GRAMD1C: variants seen among roughly 807,000 people sequenced by gnomAD.
The protein encoded by GRAMD1C is protein Aster-C.
A neutral mutation model predicts 97.8 loss-of-function variants in GRAMD1C; 89 were observed. The ratio of observed to expected loss-of-function variants is 0.91; its 90% CI spans 0.77 to 1.09. The LOEUF (loss-of-function observed/expected upper bound fraction) is 1.09, where lower values mean the gene tolerates loss of function less well. GRAMD1C is among the 50% of genes least tolerant of loss of function. The probability of loss-of-function intolerance (pLI) is 0.00; values close to 1 mark genes in which losing one functional copy is unlikely to be tolerated. For synonymous variants in GRAMD1C, 256 were observed against 267.0 expected (o/e 0.96, Z 0.40); for missense variants, 740 against 766.4 (o/e 0.97, Z 0.41).
intron 6 of GRAMD1C, among the ~76,000 whole-genome samples, chr3:113,891,653 G>A (rs916064342): frequency 5.3e-5 from 8 of 151,904 alleles, no homozygotes; most frequent in African/African-American, 1.9e-4. Context: ...GGCTGAGGTG[G>A]GAGGATTGCT....
intron 9 of GRAMD1C, among the ~76,000 whole-genome samples, chr3:113,910,305 C>T (rs1183203352): frequency 6.6e-6 from 1 of 152,168 alleles, no homozygotes; most frequent in African/African-American, 2.4e-5. Context: ...ATCTCATGAA[C>T]CCAGGAGGCG....
Position 113,844,604 on chromosome 3 carries a change from A to C in GRAMD1C, c.129A>C (p.Lys43Asn), listed in dbSNP as rs1202863499. 1 of 1,606,512 alleles carries C rather than the reference A, an allele frequency of 6.2e-7. No individual in the cohort carries two copies. Among genetic ancestry groups the C allele is most frequent in the Non-Finnish European group, 8.5e-7 (1 of 1,175,882 alleles). ...AAGAGAATAATGTGGTAGTTAAAAA[A>C]CAGGGGCCAAATTTACATAATTGGA... ...TVEENNVVVK[K>N]QGPNLHNWSG... Residue 43 changes from lysine to asparagine, a missense_variant, in exon 2 of 18, where the codon AAA becomes AAC. By Grantham distance (94) the Lys-to-Asn change is moderately conservative. Coordinates refer to ENST00000358160, the MANE Select transcript of GRAMD1C (RefSeq NM_017577.5).
In GRAMD1C at chr3:113,897,651, G is replaced by A. The variant is rs1007068156; in HGVS notation, c.541-3380G>A. Reference sequence around the variant, plus strand: ...ACATAGTTGTCATTAAATATTTGGAGCTCTGCTGTGCATAGAGATGGCAAC... The same window carrying A: ...ACATAGTTGTCATTAAATATTTGGAACTCTGCTGTGCATAGAGATGGCAAC... On this transcript the variant is annotated intron_variant, in intron 6 of 17. Transcript: ENST00000358160. 9.2e-6 allele frequency: 9 copies of A among 983,150 alleles called. No homozygotes were observed. In the African/African-American group the frequency reaches 1.6e-4, roughly 17 times the overall value. 60.9% of individuals were successfully genotyped at this position (983,150 alleles called of 1,614,324 possible). A position where few individuals can be genotyped will look rare whatever the true frequency, so the allele number is the denominator to read the frequency against.
intron 2 of GRAMD1C, chr3:113,844,957 C>A (rs1366381055): frequency 5.4e-6 from 1 of 185,022 alleles, no homozygotes; most frequent in African/African-American, 2.4e-5. Flanking sequence ...TATATAGAAA[C>A]CATATTTCTG....
chr3:113,838,856 G>GGCGGTGCGGT lies in GRAMD1C; in HGVS notation c.-45_-36dup, dbSNP rs543890590. The GGCGGTGCGGT allele has an allele frequency of 6.2e-5, 75 of 1,207,562 alleles. No individual in the cohort carries two copies. Among genetic ancestry groups the GGCGGTGCGGT allele is most frequent in the Non-Finnish European group, 7.0e-5 (68 of 966,568 alleles). The allele number at this position is 1,207,562 out of a possible 1,614,324, so 74.8% of individuals were successfully genotyped here. ...CAGCGCGCGCTGGAGGTGGGCGCGG[G>GGCGGTGCGGT]GCGGTGCGGTGCGGTGCGCGCGGGG... On this transcript the variant is annotated 5_prime_UTR_variant, in exon 1 of 18. Transcript: ENST00000358160.
chr3:113,945,278 G>C, intron 17 of GRAMD1C, 120 bp from the exon 18 acceptor site: 2 of 655,526 alleles, frequency 3.1e-6, no homozygotes, highest in South Asian at 1.7e-5. Flanking sequence ...CGTTTTATTT[G>C]GGCATCAGTA....
chr3:113,938,130 G>A lies in GRAMD1C; in HGVS notation c.1678G>A (p.Val560Ile). The A allele has an allele frequency of 2.0e-6, 3 of 1,505,322 alleles. No individual in the cohort carries two copies. Among genetic ancestry groups the A allele is most frequent in the Non-Finnish European group, 2.7e-6 (3 of 1,100,748 alleles). 93.2% of individuals were successfully genotyped at this position (1,505,322 alleles called of 1,614,324 possible). Residue 560 changes from valine to isoleucine, a missense_variant, in exon 15 of 18, where the codon GTA (valine) becomes ATA (isoleucine). Transcript: ENST00000358160. The part of the protein sequence containing the change: ...MENYNVTLIV[V>I]MSIFVLLLVL... ...AAACTATAACGTCACTCTTATTGTG[G>A]TAATGAGTATTTTGTAAGTATTTGT...
Position 113,897,684 on chromosome 3 carries a change from G to C in GRAMD1C, c.541-3347G>C. ...GTGCATAGAGATGGCAACATACTTA[G>C]AATACACAGCTTTCTGGGCCAGAAA... On this transcript the variant is annotated intron_variant, in intron 6 of 17. Coordinates refer to ENST00000358160, the MANE Select transcript of GRAMD1C (RefSeq NM_017577.5). 4 of 981,944 alleles carry C rather than the reference G, an allele frequency of 4.1e-6. No homozygotes were observed. The South Asian group carries it at 1.9e-4, about 46-fold the overall frequency. The allele number at this position is 981,944 out of a possible 1,614,324, so 60.8% of individuals were successfully genotyped here.
intron 4 of GRAMD1C, 91 bp downstream of exon 4, chr3:113,875,678 A>T (rs1193087677): frequency 1.3e-5 from 9 of 671,684 alleles, no homozygotes; most frequent in Non-Finnish European, 2.4e-5. Context: ...ATGATTCCAA[A>T]GTAAATTTAT....
chr3:113,915,923 GT>G, intron 10 of GRAMD1C, 85 bp downstream of exon 10: 2 of 1,019,324 alleles, frequency 2.0e-6, no homozygotes, highest in Non-Finnish European at 3.0e-6. Flanking sequence ...ACTGATTTAT[GT>G]TGTGAGGAGG....
chr3:113,883,579 A>G (rs1182149838), intron 6 of GRAMD1C, among the ~76,000 whole-genome samples: 1 of 152,060 alleles, frequency 6.6e-6, no homozygotes, highest in Non-Finnish European at 1.5e-5. Flanking sequence ...TGCTGTATAT[A>G]AGAGACAAAT....
rs1193449744 is a variant in GRAMD1C at position 113,895,202 on chromosome 3, CTTG to C, written c.541-5824_541-5822del. ...TGTCTACTTTTGCTCTGATTCCATG[CTTG>C]TTGTGCCACTTTCTGATTGCTAATC... On this transcript the variant is annotated intron_variant, in intron 6 of 17. Transcript: ENST00000358160. Among the ~76,000 whole-genome samples, 3 of 152,146 alleles carry C rather than the reference CTTG, an allele frequency of 2.0e-5. No individual in the cohort carries two copies. In the South Asian group the frequency reaches 6.2e-4, roughly 32 times the overall value.
rs1007196541 is a variant in GRAMD1C at position 113,945,554 on chromosome 3, G to T, written c.*76G>T. The T allele has an allele frequency of 9.1e-6, 7 of 773,244 alleles. No homozygotes were observed. Among genetic ancestry groups the T allele is most frequent in the South Asian group, 1.5e-5 (1 of 65,196 alleles). The allele number at this position is 773,244 out of a possible 1,614,324, so 47.9% of individuals were successfully genotyped here. A position where few individuals can be genotyped will look rare whatever the true frequency, so the allele number is the denominator to read the frequency against. The stretch of plus-strand genomic sequence containing the variant: ...CTGGAAGAAAACCAGACGAATGAAG[G>T]ATTTTGGCATAGAACATTTCTATGT... On this transcript the variant is annotated 3_prime_UTR_variant, in exon 18 of 18. Coordinates refer to ENST00000358160, the MANE Select transcript of GRAMD1C (RefSeq NM_017577.5).
At chr3:113,942,594 G>A (rs1937857160) in intron 17 of GRAMD1C, among the ~76,000 whole-genome samples, 1 of 152,162 alleles carries the variant, frequency 6.6e-6, no homozygotes, top group Admixed American at 6.5e-5. Context: ...GAGCGGAAGA[G>A]GGATAGGGGA....
At chr3:113,943,070 T>C (rs1387387384) in intron 17 of GRAMD1C, among the ~76,000 whole-genome samples, 1 of 152,214 alleles carries the variant, frequency 6.6e-6, no homozygotes, top group African/African-American at 2.4e-5. Flanking sequence ...TTAGTAGAGT[T>C]TGAGGGAGCA....
chr3:113,861,004 T>C (rs778368549), intron 2 of GRAMD1C, among the ~76,000 whole-genome samples: 1 of 151,184 alleles, frequency 6.6e-6, no homozygotes, highest in Non-Finnish European at 1.5e-5. Context: ...AAAATAGACT[T>C]GTGTGTTAAG....
Position 113,867,376 on chromosome 3 carries a change from T to C in GRAMD1C, c.175-2131T>C, listed in dbSNP as rs368484168. On this transcript the variant is annotated intron_variant, in intron 2 of 17. Transcript: ENST00000358160. ...GGTGCGATCTGGGCTCCCTGCAACT[T>C]CTGCATCCAGGGTTCAAAAGATTCT... Among the ~76,000 whole-genome samples, 7 of 152,146 alleles carry C rather than the reference T, an allele frequency of 4.6e-5. No homozygotes were observed. The East Asian group carries it at 1.3e-3, about 29-fold the overall frequency.
Position 113,946,107 on chromosome 3 carries a change from C to T in GRAMD1C, c.*629C>T, listed in dbSNP as rs986449520. 1.3e-5 allele frequency: 2 copies of T among 152,406 alleles called. No individual in the cohort carries two copies. Among genetic ancestry groups the T allele is most frequent in the Non-Finnish European group, 2.9e-5 (2 of 67,976 alleles). 9.4% of individuals were successfully genotyped at this position (152,406 alleles called of 1,614,324 possible). A position where few individuals can be genotyped will look rare whatever the true frequency, so the allele number is the denominator to read the frequency against. On this transcript the variant is annotated 3_prime_UTR_variant, in exon 18 of 18. Transcript: ENST00000358160. ...TTTATGAAAGAAATAGTTGTTTTTT[C>T]TTAAGGTAACTATCAGAGGTGGGAT...
chr3:113,897,453 G>T (rs750355138), intron 6 of GRAMD1C: 48 of 774,936 alleles, frequency 6.2e-5, no homozygotes, highest in East Asian at 1.3e-4. Flanking sequence ...TCTTCTTGTA[G>T]GAGTGGCTTA....
Sources: allele counts gnomAD v4.1 joint callset (sites outside exome capture counted in the v4.1 genomes callset), GRCh38; gene constraint gnomAD v4.1.1; transcripts MANE v1.5; gene names NCBI Gene and HGNC (gene_info 2026-07-23, HGNC 2026-07-21).